CCDC81: variants seen among roughly 807,000 people sequenced by gnomAD.
The protein encoded by CCDC81 is coiled-coil domain-containing protein 81.
A neutral mutation model predicts 83.7 loss-of-function variants in CCDC81; 79 were observed. The ratio of observed to expected loss-of-function variants is 0.94; its 90% CI spans 0.79 to 1.14. The LOEUF (loss-of-function observed/expected upper bound fraction) is 1.14. Among genes scored for constraint, CCDC81 ranks in the 50% most tolerant of loss-of-function variants. The pLI, the probability that CCDC81 is intolerant of heterozygous loss-of-function variation, is 0.00. For synonymous variants in CCDC81, 252 were observed against 278.1 expected (o/e 0.91, Z 0.93); for missense variants, 791 against 778.1 (o/e 1.02, Z -0.20).
intron 3 of CCDC81, among the ~76,000 whole-genome samples, chr11:86,391,478 G>A (rs1372907835): frequency 1.3e-5 from 2 of 151,888 alleles, no homozygotes; most frequent in East Asian, 1.9e-4. Flanking sequence ...TTTCTGACTC[G>A]TGAACCTTGT....
At chr11:86,385,512 T>A (rs1397965016) in intron 1 of CCDC81, among the ~76,000 whole-genome samples, 1 of 152,224 alleles carries the variant, frequency 6.6e-6, no homozygotes, top group Non-Finnish European at 1.5e-5. Flanking sequence ...TGACAGCTGG[T>A]AGCTTAGCAG....
chr11:86,419,818 G>C, intron 13 of CCDC81, 110 bp from the exon 14 acceptor site: 3 of 1,174,484 alleles, frequency 2.6e-6, no homozygotes, highest in Non-Finnish European at 3.5e-6. Flanking sequence ...TTTCAGAGTA[G>C]TGAACAAAAC....
In CCDC81 at chr11:86,410,952, T is replaced by C. The variant is rs564239353; in HGVS notation, c.1219-1435T>C. On this transcript the variant is annotated intron_variant, in intron 10 of 14. Coordinates refer to ENST00000445632, the MANE Select transcript of CCDC81 (RefSeq NM_001156474.2). ...ACACTGAAAGTGTTGCCAAGCCACA[T>C]TGTTATGCTCAACTTCTCCAATACT... 3.9e-5 allele frequency among the ~76,000 whole-genome samples: 6 copies of C among 152,336 alleles called. No homozygotes were observed. In the South Asian group the frequency reaches 6.2e-4, roughly 16 times the overall value.
At chr11:86,388,018 T>C (rs757761394) in intron 3 of CCDC81, among the ~76,000 whole-genome samples, 8 of 152,254 alleles carry the variant, frequency 5.3e-5, no homozygotes, top group Non-Finnish European at 1.0e-4. Flanking sequence ...GGATCTCTGG[T>C]TGGGAGAACT....
intron 7 of CCDC81, among the ~76,000 whole-genome samples, chr11:86,404,404 T>C (rs1401093462): frequency 6.6e-6 from 1 of 152,194 alleles, no homozygotes; most frequent in Non-Finnish European, 1.5e-5. Context: ...TGTCAGGGAC[T>C]GTATGGCCCT....
Position 86,408,346 on chromosome 11 carries a change from T to G in CCDC81, c.1113+76T>G. 2.2e-6 allele frequency: 3 copies of G among 1,386,806 alleles called. No individual in the cohort carries two copies. The Admixed American group carries it at 7.0e-5, about 32-fold the overall frequency. 85.9% of individuals were successfully genotyped at this position (1,386,806 alleles called of 1,614,324 possible). A position where few individuals can be genotyped will look rare whatever the true frequency, so the allele number is the denominator to read the frequency against. ...ATATAATGTAATTTATTATTATTTTTTATTGGCGCAGGGTCTCACTCTGTC... is the reference window on the plus strand; with the variant it reads ...ATATAATGTAATTTATTATTATTTTGTATTGGCGCAGGGTCTCACTCTGTC... On this transcript the variant is annotated intron_variant, in intron 9 of 14. Coordinates refer to ENST00000445632, the MANE Select transcript of CCDC81 (RefSeq NM_001156474.2).
intron 6 of CCDC81, among the ~76,000 whole-genome samples, chr11:86,398,738 A>G (rs1028318620): frequency 1.7e-4 from 26 of 151,718 alleles, no homozygotes; most frequent in Non-Finnish European, 2.7e-4. Flanking sequence ...ACGCCCAGCT[A>G]ATTTTTGTAT....
At chr11:86,401,568 G>A (rs560398707) in intron 7 of CCDC81, among the ~76,000 whole-genome samples, 1 of 152,276 alleles carries the variant, frequency 6.6e-6, no homozygotes, top group South Asian at 2.1e-4. Flanking sequence ...AGAATTAGAT[G>A]TATAGTACTT....
chr11:86,405,375 T>C (rs894960174), intron 7 of CCDC81, among the ~76,000 whole-genome samples: 3 of 152,222 alleles, frequency 2.0e-5, no homozygotes, highest in African/African-American at 7.2e-5. Context: ...TTGTGTGTGT[T>C]TTATTATTTC....
At chr11:86,389,950 A>C (rs1229069728) in intron 3 of CCDC81, among the ~76,000 whole-genome samples, 1 of 152,010 alleles carries the variant, frequency 6.6e-6, no homozygotes, top group Non-Finnish European at 1.5e-5. Flanking sequence ...CTAAAAATAC[A>C]AAAAACTAGC....
chr11:86,386,033 G>A lies in CCDC81; in HGVS notation c.80-18G>A. The A allele has an allele frequency of 7.0e-7, 1 of 1,436,444 alleles. No individual in the cohort carries two copies. The highest frequency in any genetic ancestry group is 9.6e-7 in the Non-Finnish European group (1 of 1,041,292). 89.0% of individuals were successfully genotyped at this position (1,436,444 alleles called of 1,614,324 possible). On this transcript the variant is annotated intron_variant, in intron 1 of 14. Transcript: ENST00000445632. ...GCGCATATAAATTGAATAATTTCTG[G>A]TTACTTTTGAATTTCAGAAGTCTCT...
At chr11:86,390,920 A>T (rs1431113296) in intron 3 of CCDC81, among the ~76,000 whole-genome samples, 1 of 152,204 alleles carries the variant, frequency 6.6e-6, no homozygotes, top group Non-Finnish European at 1.5e-5. Flanking sequence ...GAGACTAGAG[A>T]TCAAGATTTG....
At chr11:86,414,985 C>A in intron 12 of CCDC81, 108 bp from the exon 13 acceptor site, 1 of 1,428,034 alleles carries the variant, frequency 7.0e-7, no homozygotes, top group East Asian at 2.3e-5. Flanking sequence ...TTTTTGTGCC[C>A]CGCATTCCTT....
At chr11:86,415,001 A>C in intron 12 of CCDC81, 92 bp from the exon 13 acceptor site, 1 of 1,468,404 alleles carries the variant, frequency 6.8e-7, no homozygotes, top group Non-Finnish European at 9.4e-7. Flanking sequence ...TCCTTCCTGT[A>C]AGATGCTGGT....
intron 1 of CCDC81, among the ~76,000 whole-genome samples, chr11:86,379,989 GA>G (rs1006538231): frequency 1.1e-4 from 16 of 147,546 alleles, no homozygotes; most frequent in Admixed American, 2.7e-4. Context: ...CTGTCTCAAA[GA>G]AAAAAAAAGT....
chr11:86,388,124 T>C (rs551195483), intron 3 of CCDC81, among the ~76,000 whole-genome samples: 80 of 152,310 alleles, frequency 5.3e-4, no homozygotes, highest in African/African-American at 1.9e-3. Flanking sequence ...AATAATTCTA[T>C]AAAGACTTAA....
In CCDC81 at chr11:86,415,310, GA is replaced by G. The variant is rs1565771387; in HGVS notation, c.1689del (p.Glu564SerfsTer13). 6.2e-7 allele frequency: 1 copy of G among 1,611,518 alleles called. No homozygotes were observed. Among genetic ancestry groups the G allele is most frequent in the Admixed American group, 1.7e-5 (1 of 59,954 alleles). On this transcript the variant is annotated frameshift_variant and splice_region_variant, in exon 13 of 15. Transcript: ENST00000445632. LOFTEE classifies it high-confidence loss of function. ...TTGCAAATGCTTCAGAGGACACAAA[GA>G]GAGTAAGGAGACCCCTGATCTTTCT... ...RDLQMLQRTQ[R>X]EHLADRTAEL...
intron 10 of CCDC81, 50 bp downstream of exon 10, chr11:86,409,415 C>A: frequency 1.1e-6 from 1 of 890,398 alleles, no homozygotes; most frequent in South Asian, 1.8e-5. Context: ...ATCTGTGAGC[C>A]TTTGGATCCA....
chr11:86,387,625 A>C lies in CCDC81; in HGVS notation c.251A>C (p.Lys84Thr). The C allele has an allele frequency of 6.2e-7, 1 of 1,611,128 alleles. No homozygotes were observed. Among genetic ancestry groups the C allele is most frequent in the Non-Finnish European group, 8.5e-7 (1 of 1,177,384 alleles). The stretch of plus-strand genomic sequence containing the variant: ...AGGCCTGTGTTTATCATGGTGGAGA[A>C]GCTAGTGCAGATTCATGGACTCAAA... Reference protein sequence around the residue: ...IQRPVFIMVEKLVQIHGLKQN... With the variant: ...IQRPVFIMVETLVQIHGLKQN... The change falls in exon 3 of 15, where the codon AAG (lysine) becomes ACG (threonine). Residue 84 changes from lysine (K) to threonine (T), a missense_variant. Coordinates refer to ENST00000445632, the MANE Select transcript of CCDC81 (RefSeq NM_001156474.2).
Sources: allele counts gnomAD v4.1 joint callset (sites outside exome capture counted in the v4.1 genomes callset), GRCh38; gene constraint gnomAD v4.1.1; transcripts MANE v1.5; gene names NCBI Gene and HGNC (gene_info 2026-07-23, HGNC 2026-07-21).